Variants in FARS2 observed in about 807,000 individuals in gnomAD.
The protein encoded by FARS2 is phenylalanyl-tRNA synthetase 2, mitochondrial.
In FARS2, 40 loss-of-function variants were observed where a neutral mutation model predicts 46.4. The ratio of observed to expected loss-of-function variants is 0.86; its 90% CI spans 0.67 to 1.12. The LOEUF (loss-of-function observed/expected upper bound fraction) is 1.12, where lower values mean the gene tolerates loss of function less well. FARS2 is among the 50% of genes most tolerant of loss of function. The pLI is 0.00. For synonymous variants in FARS2, 234 were observed against 214.9 expected (o/e 1.09, Z -0.78); for missense variants, 513 against 567.9 (o/e 0.90, Z 0.98).
At chr6:5,569,021 C>G (rs1772479280) in intron 5 of FARS2, among the ~76,000 whole-genome samples, 1 of 151,272 alleles carries the variant, frequency 6.6e-6, no homozygotes, top group African/African-American at 2.4e-5. Flanking sequence ...TTGAGACTTG[C>G]AGGGGCACTG....
chr6:5,606,997 G>A (rs1774873072), intron 5 of FARS2, among the ~76,000 whole-genome samples: 1 of 152,036 alleles, frequency 6.6e-6, no homozygotes. Context: ...GTGCTATTTG[G>A]TGTACAAGCC....
At chr6:5,738,437 C>T (rs977743156) in intron 6 of FARS2, among the ~76,000 whole-genome samples, 1 of 152,128 alleles carries the variant, frequency 6.6e-6, no homozygotes, top group African/African-American at 2.4e-5. Flanking sequence ...TACTACGATC[C>T]AAAGTGAGGT....
chr6:5,638,224 G>T (rs1472223924), intron 6 of FARS2, among the ~76,000 whole-genome samples: 2 of 152,180 alleles, frequency 1.3e-5, no homozygotes, highest in African/African-American at 4.8e-5. Flanking sequence ...GCTACTACAG[G>T]TACTGGAGGC....
chr6:5,609,486 C>T (rs1775050445), intron 5 of FARS2: 3 of 1,221,388 alleles, frequency 2.5e-6, no homozygotes, highest in South Asian at 1.2e-5. Flanking sequence ...ACCATATCCA[C>T]CACCATCATG....
chr6:5,397,953 C>A lies in FARS2; in HGVS notation c.613-6589C>A, dbSNP rs543287786. Among the ~76,000 whole-genome samples the A allele has an allele frequency of 6.6e-5, 10 of 152,220 alleles. No homozygotes were observed. In the South Asian group the frequency reaches 2.1e-3, roughly 32 times the overall value. On this transcript the variant is annotated intron_variant, in intron 2 of 6. Transcript: ENST00000274680. ...AACTTGACATGATTTTGTATTTTCT[C>A]ATGGTGAAATTCATATTCTACATTT...
intron 5 of FARS2, among the ~76,000 whole-genome samples, chr6:5,586,276 A>G (rs1773608579): frequency 1.3e-5 from 2 of 152,158 alleles, no homozygotes; most frequent in African/African-American, 2.4e-5. Flanking sequence ...AAGAGTAGGC[A>G]TCTGTATCTT....
intron 1 of FARS2, among the ~76,000 whole-genome samples, chr6:5,271,634 C>G (rs1160319117): frequency 1.5e-5 from 2 of 130,640 alleles, no homozygotes; most frequent in Non-Finnish European, 3.0e-5. Flanking sequence ...ACGATCTTGG[C>G]TCACTGCAAC....
At chr6:5,742,889 A>G (rs1761431499) in intron 6 of FARS2, among the ~76,000 whole-genome samples, 2 of 151,916 alleles carry the variant, frequency 1.3e-5, no homozygotes, top group Admixed American at 6.6e-5. Flanking sequence ...CTGCCAGGAA[A>G]TGGGTTCTCA....
chr6:5,499,691 C>T (rs1310679776), intron 4 of FARS2, among the ~76,000 whole-genome samples: 2 of 152,178 alleles, frequency 1.3e-5, no homozygotes, highest in Non-Finnish European at 2.9e-5. Flanking sequence ...CATTGTCTCC[C>T]AATTTGCTTC....
chr6:5,357,761 G>A (rs1344564493), intron 1 of FARS2, among the ~76,000 whole-genome samples: 5 of 152,222 alleles, frequency 3.3e-5, no homozygotes, highest in Non-Finnish European at 7.3e-5. Context: ...GGAGTCAGGT[G>A]AACCTGGTTT....
chr6:5,702,890 A>ACCC (rs770789239), intron 6 of FARS2, among the ~76,000 whole-genome samples: 2 of 151,814 alleles, frequency 1.3e-5, no homozygotes, highest in Non-Finnish European at 2.9e-5. Flanking sequence ...TCTTTCCTGT[A>ACCC]CCCCCTGGGA....
At chr6:5,588,900 A>G (rs1286897565) in intron 5 of FARS2, among the ~76,000 whole-genome samples, 2 of 152,138 alleles carry the variant, frequency 1.3e-5, no homozygotes, top group Non-Finnish European at 2.9e-5. Context: ...TATTCACATC[A>G]TCGCCATAGG....
chr6:5,296,332 G>A (rs1004554000), intron 1 of FARS2, among the ~76,000 whole-genome samples: 157 of 151,864 alleles, frequency 1.0e-3, no homozygotes, highest in Admixed American at 1.6e-3. Context: ...TAGTAGAGAT[G>A]GGGTTTCACT....
chr6:5,371,298 C>A, intron 2 of FARS2: 1 of 335,724 alleles, frequency 3.0e-6, no homozygotes, highest in Non-Finnish European at 4.2e-6. Flanking sequence ...TCAGTTTATT[C>A]CCCTATGAAT....
chr6:5,399,132 T>C, intron 2 of FARS2, among the ~76,000 whole-genome samples: 1 of 57,948 alleles, frequency 1.7e-5, no homozygotes, highest in Admixed American at 2.1e-4. Context: ...ATTATTTTAT[T>C]ATTATTATTA....
chr6:5,440,143 AGT>A (rs1484965302), intron 4 of FARS2, among the ~76,000 whole-genome samples: 1 of 152,226 alleles, frequency 6.6e-6, no homozygotes, highest in African/African-American at 2.4e-5. Context: ...TGAAAATGAA[AGT>A]AATTCCATGA....
At chr6:5,410,944 A>G (rs1429931444) in intron 3 of FARS2, among the ~76,000 whole-genome samples, 1 of 152,230 alleles carries the variant, frequency 6.6e-6, no homozygotes, top group Non-Finnish European at 1.5e-5. Context: ...AAAAAGTGCC[A>G]TGTAAAAATC....
intron 5 of FARS2, chr6:5,610,010 T>C: frequency 9.8e-7 from 1 of 1,021,060 alleles, no homozygotes; most frequent in African/African-American, 1.6e-5. Context: ...TCCTCCGCAG[T>C]GGCATAGTGA....
At chr6:5,542,684 A>G (rs1770708134) in intron 4 of FARS2, among the ~76,000 whole-genome samples, 1 of 152,186 alleles carries the variant, frequency 6.6e-6, no homozygotes, top group African/African-American at 2.4e-5. Context: ...ATATTGGTTT[A>G]TTGTAAAAAA....
Sources: allele counts gnomAD v4.1 joint callset (sites outside exome capture counted in the v4.1 genomes callset), GRCh38; gene constraint gnomAD v4.1.1; transcripts MANE v1.5; gene names NCBI Gene and HGNC (gene_info 2026-07-23, HGNC 2026-07-21).